The following TUSC3 variants were observed in gnomAD, a reference collection of about 807,000 sequenced individuals.
TUSC3 encodes tumor suppressor candidate 3, also known as dolichyl-diphosphooligosaccharide--protein glycosyltransferase subunit TUSC3.
A neutral mutation model predicts 44.8 loss-of-function variants in TUSC3; 45 were observed. The observed-to-expected ratio is 1.00, with a 90% CI of 0.79 to 1.29. TUSC3 has a LOEUF of 1.29. TUSC3 is among the 50% of genes most tolerant of loss of function. TUSC3 has a pLI of 0.00. For missense variants in TUSC3, 519 were observed against 437.9 expected (o/e 1.19, Z -1.65); for synonymous variants, 212 against 152.9 (o/e 1.39, Z -2.85).
chr8:15,545,054 A>T (rs748907799), intron 1 of TUSC3, among the ~76,000 whole-genome samples: 2 of 151,898 alleles, frequency 1.3e-5, no homozygotes, highest in Admixed American at 1.3e-4. Context: ...ACATGTATAC[A>T]TAATACCTAA....
the TUSC3 span, among the ~76,000 whole-genome samples, chr8:15,790,329 G>A: frequency 6.6e-6 from 1 of 151,822 alleles, no homozygotes; most frequent in Non-Finnish European, 1.5e-5. Context: ...GGGACTACAG[G>A]CACATGCCAC....
chr8:15,540,576 G>A lies in TUSC3; in HGVS notation c.138+8G>A, dbSNP rs1013510647. 1.9e-6 allele frequency: 3 copies of A among 1,574,536 alleles called. No individual in the cohort carries two copies. Among genetic ancestry groups the A allele is most frequent in the Admixed American group, 3.5e-5 (2 of 56,630 alleles). ...GGACAGAAGAAAAAGGAGGTAGAATGGATCCCCTTGGCCTTCCCCTGTGGG... is the reference window on the plus strand; with the variant it reads ...GGACAGAAGAAAAAGGAGGTAGAATAGATCCCCTTGGCCTTCCCCTGTGGG... On this transcript the variant is annotated splice_region_variant and intron_variant, in intron 1 of 10. Transcript: ENST00000503731.
At chr8:15,815,134 A>T in the TUSC3 span, among the ~76,000 whole-genome samples, 1 of 152,338 alleles carries the variant, frequency 6.6e-6, no homozygotes, top group East Asian at 1.9e-4. Flanking sequence ...TTAATTGAAT[A>T]ATAAACTGCT....
At chr8:15,809,232 T>A in the TUSC3 span, among the ~76,000 whole-genome samples, 9 of 152,148 alleles carry the variant, frequency 5.9e-5, no homozygotes, top group Non-Finnish European at 1.0e-4. Flanking sequence ...GGTGTGAGGA[T>A]GTTGGGAACT....
At chr8:15,712,536 A>G (rs955124597) in intron 6 of TUSC3, among the ~76,000 whole-genome samples, 11 of 151,756 alleles carry the variant, frequency 7.2e-5, no homozygotes, top group African/African-American at 1.2e-4. Flanking sequence ...TTATGTTCCT[A>G]TTTCCATCAC....
chr8:15,811,292 C>T, the TUSC3 span, among the ~76,000 whole-genome samples: 12 of 152,124 alleles, frequency 7.9e-5, no homozygotes, highest in Non-Finnish European at 1.8e-4. Flanking sequence ...GGGTAGCAGT[C>T]GCTCTTCACA....
chr8:15,788,267 A>G, the TUSC3 span, among the ~76,000 whole-genome samples: 3 of 152,190 alleles, frequency 2.0e-5, no homozygotes, highest in Non-Finnish European at 4.4e-5. Flanking sequence ...GTAAGTACTT[A>G]TTTAAGAGTT....
intron 2 of TUSC3, among the ~76,000 whole-genome samples, chr8:15,510,634 T>C (rs1801120319): frequency 1.3e-5 from 2 of 152,158 alleles, no homozygotes; most frequent in East Asian, 3.9e-4. Flanking sequence ...CAGATGGCTC[T>C]CTTGATAAAT....
chr8:15,651,503 G>A (rs1806902671), intron 3 of TUSC3, among the ~76,000 whole-genome samples: 1 of 152,190 alleles, frequency 6.6e-6, no homozygotes, highest in African/African-American at 2.4e-5. Flanking sequence ...GGTTAAATGA[G>A]GCCATAAAGG....
At chr8:15,590,230 T>C (rs1803770554) in intron 1 of TUSC3, among the ~76,000 whole-genome samples, 1 of 152,192 alleles carries the variant, frequency 6.6e-6, no homozygotes, top group Non-Finnish European at 1.5e-5. Context: ...TCTGCTCTGG[T>C]TTCAGGCCTT....
chr8:15,601,640 A>G (rs1170102196), intron 1 of TUSC3, among the ~76,000 whole-genome samples: 6 of 151,688 alleles, frequency 4.0e-5, no homozygotes, highest in Non-Finnish European at 8.9e-5. Context: ...CCTATTTATA[A>G]AATCTATTCT....
chr8:15,591,433 G>A (rs1421609512), intron 1 of TUSC3, among the ~76,000 whole-genome samples: 1 of 152,146 alleles, frequency 6.6e-6, no homozygotes, highest in African/African-American at 2.4e-5. Context: ...CAAAATATCT[G>A]TTGGGTAGTT....
chr8:15,771,731 T>C, the TUSC3 span, among the ~76,000 whole-genome samples: 2 of 152,006 alleles, frequency 1.3e-5, no homozygotes, highest in African/African-American at 4.8e-5. Context: ...CATACCAACA[T>C]TTATGAGATA....
chr8:15,447,062 AATAGG>A (rs1363449483), intron 1 of TUSC3, among the ~76,000 whole-genome samples: 4 of 152,240 alleles, frequency 2.6e-5, no homozygotes, highest in African/African-American at 9.6e-5. Flanking sequence ...AGAAAAAAAA[AATAGG>A]ATAAGATAAT....
chr8:15,463,200 T>C (rs1800370104), intron 1 of TUSC3, among the ~76,000 whole-genome samples: 1 of 152,084 alleles, frequency 6.6e-6, no homozygotes, highest in African/African-American at 2.4e-5. Flanking sequence ...AAATTTTCCA[T>C]CAGGAGACTG....
intron 1 of TUSC3, among the ~76,000 whole-genome samples, chr8:15,611,473 C>G (rs1337190979): frequency 6.6e-6 from 1 of 152,178 alleles, no homozygotes; most frequent in African/African-American, 2.4e-5. Context: ...AGGCGTGAGC[C>G]ATCGTACCTG....
rs35757466 is a variant in TUSC3 at position 15,555,276 on chromosome 8, A to ATTTTTTTT, written c.138+14736_138+14743dup. Among the ~76,000 whole-genome samples the ATTTTTTTT allele has an allele frequency of 1.3e-3, 57 of 44,890 alleles. 12 individuals carry two copies. Among genetic ancestry groups the ATTTTTTTT allele is most frequent in the Middle Eastern group, 0.022 (1 of 46 alleles). The allele number at this position is 44,890 out of a possible 152,430, so 29.4% of individuals were successfully genotyped here. A position where few individuals can be genotyped will look rare whatever the true frequency, so the allele number is the denominator to read the frequency against. On this transcript the variant is annotated intron_variant, in intron 1 of 10. Transcript: ENST00000503731. ...GTTCATGTGCCACCATGCCAGGCTA[A>ATTTTTTTT]TTTTTTTTTTTTTTTTTTTTTTTTT...
chr8:15,744,003 G>C (rs1811303413), intron 8 of TUSC3, among the ~76,000 whole-genome samples: 1 of 152,280 alleles, frequency 6.6e-6, no homozygotes, highest in South Asian at 2.1e-4. Context: ...TCAGGGGTGC[G>C]CTCAAAGCGT....
the TUSC3 span, among the ~76,000 whole-genome samples, chr8:15,828,824 TTTTC>T: frequency 2.0e-5 from 3 of 152,162 alleles, no homozygotes; most frequent in South Asian, 4.2e-4. Context: ...AACAGTCTGT[TTTTC>T]TTTCTTTGTG....
Sources: gnomAD v4.1 joint callset for allele counts (sites outside exome capture counted in the v4.1 genomes callset) on GRCh38, gnomAD v4.1.1 for gene constraint, MANE v1.5 for transcripts, NCBI Gene and HGNC (gene_info 2026-07-23, HGNC 2026-07-21) for gene names.